IL18BP: variants seen among roughly 807,000 people sequenced by gnomAD.
IL18BP encodes the protein interleukin-18-binding protein.
Under a neutral mutation model 19.9 loss-of-function variants are expected in IL18BP, and 23 were observed. The ratio of observed to expected loss-of-function variants is 1.15; its 90% CI spans 0.83 to 1.64. The LOEUF is 1.64. Among genes scored for constraint, IL18BP ranks in the 40% most tolerant of loss-of-function variants. The pLI, the probability that IL18BP is intolerant of heterozygous loss-of-function variation, is 0.00. For synonymous variants in IL18BP, 107 were observed against 101.0 expected (o/e 1.06, Z -0.35); for missense variants, 239 against 240.7 (o/e 0.99, Z 0.05).
At chr11:72,006,090 G>C (rs1422727879), downstream of IL18BP, 1 of 1,614,044 alleles carries the variant, frequency 6.2e-7, no homozygotes, top group South Asian at 1.1e-5. Context: ...AACTGCGAGT[G>C]GTGGGGCGGT....
chr11:72,004,093 G>T, downstream of IL18BP: 2 of 1,613,100 alleles, frequency 1.2e-6, no homozygotes, highest in Non-Finnish European at 8.5e-7. Context: ...GACTGGCGCC[G>T]GTCAGCCTGC....
chr11:72,006,912 C>T (rs920817273), downstream of IL18BP, among the ~76,000 whole-genome samples: 2 of 152,254 alleles, frequency 1.3e-5, no homozygotes, highest in East Asian at 1.9e-4. Context: ...GCTGCAGCTT[C>T]GCCACGTTCT....
chr11:72,001,810 C>T lies in IL18BP; in HGVS notation c.534C>T (p.Pro178=), dbSNP rs769692426. 6.2e-7 allele frequency: 1 copy of T among 1,614,094 alleles called. No homozygotes were observed. Among genetic ancestry groups the T allele is most frequent in the East Asian group, 2.2e-5 (1 of 44,874 alleles). Reference sequence around the variant, plus strand: ...CTGGGCTGAGGGCAACCTTGCCCCCCACCCAAGAAGCCCTGCCCTCCAGCC... The same window carrying T: ...CTGGGCTGAGGGCAACCTTGCCCCCTACCCAAGAAGCCCTGCCCTCCAGCC... ...LWAGLRATLP[P]TQEALPSSHS... The change falls in exon 6 of 6, where the codon CCC becomes CCT. Residue 178 remains proline, a synonymous_variant. Transcript: ENST00000393703.
chr11:72,004,154 GTGCTGTGCCA>G, downstream of IL18BP: 1 of 1,609,448 alleles, frequency 6.2e-7, no homozygotes, highest in Admixed American at 1.7e-5. Context: ...CCAGGCCAGC[GTGCTGTGCCA>G]CGCTCTATCA....
Position 72,001,409 on chromosome 11 carries a change from G to T in IL18BP, c.364G>T (p.Glu122Ter). 6.2e-7 allele frequency: 1 copy of T among 1,614,116 alleles called. No individual in the cohort carries two copies. The highest frequency in any genetic ancestry group is 2.2e-5 in the East Asian group (1 of 44,884). ...TTTCCTTCCCTTCCGCTCCAGCCGG[G>T]AACGTGGGAGCACAGGTACGCAGCT... The part of the protein sequence containing the change: ...GRLWEGSTSR[E>*]RGSTGTQLCK... Residue 122 changes from glutamate to a stop codon, truncating the protein, a stop_gained, in exon 5 of 6, where the codon GAA becomes TAA. Coordinates refer to ENST00000393703, the MANE Select transcript of IL18BP (RefSeq NM_001039660.2). LOFTEE classifies it high-confidence loss of function.
Position 72,001,518 on chromosome 11 carries a change from T to G in IL18BP, c.473T>G (p.Val158Gly). ...FSCVLVDPEQ[V>G]VQRHVVLAQL... is the part of the protein sequence containing the mutation. ...TGTGTGCTCGTGGACCCTGAACAGG[T>G]TGTCCAGCGTCACGTCGTCCTGGCC... Residue 158 changes from valine (V) to glycine (G), a missense_variant, in exon 5 of 6, where the codon GTT becomes GGT. Val to Gly is a moderately radical substitution (Grantham distance 109). Coordinates refer to ENST00000393703, the MANE Select transcript of IL18BP (RefSeq NM_001039660.2). 1 of 1,613,712 alleles carries G rather than the reference T, an allele frequency of 6.2e-7. No individual in the cohort carries two copies. The highest frequency in any genetic ancestry group is 8.5e-7 in the Non-Finnish European group (1 of 1,179,830).
intron 1 of IL18BP, chr11:71,999,353 G>A: frequency 5.9e-6 from 2 of 336,414 alleles, no homozygotes; most frequent in South Asian, 4.5e-5. Flanking sequence ...TGACACTTGG[G>A]CGGGACAGAA....
downstream of IL18BP, chr11:72,007,177 C>T: frequency 1.2e-6 from 2 of 1,605,486 alleles, no homozygotes; most frequent in Non-Finnish European, 1.7e-6. Flanking sequence ...GCCCCTGTCC[C>T]AGCAGCCTGA....
At chr11:72,004,137 TGCCTTCCCA>T, downstream of IL18BP, 1 of 1,611,500 alleles carries the variant, frequency 6.2e-7, no homozygotes, top group South Asian at 1.1e-5. Context: ...GACCCAATGC[TGCCTTCCCA>T]GGCCAGCGTG....
Position 72,001,804 on chromosome 11 carries a change from G to A in IL18BP, c.528G>A (p.Leu176=), listed in dbSNP as rs372210826. The A allele has an allele frequency of 3.6e-5, 58 of 1,613,872 alleles. No individual in the cohort carries two copies. The African/African-American group carries it at 7.6e-4, about 21-fold the overall frequency. ...AQLWAGLRAT[L]PPTQEALPSS... ...CCTAGGCTGGGCTGAGGGCAACCTT[G>A]CCCCCCACCCAAGAAGCCCTGCCCT... The change falls in exon 6 of 6, where the codon TTG becomes TTA. Residue 176 remains leucine (L), a synonymous_variant. Coordinates refer to ENST00000393703, the MANE Select transcript of IL18BP (RefSeq NM_001039660.2).
chr11:72,003,290 G>A, downstream of IL18BP: 1 of 549,554 alleles, frequency 1.8e-6, no homozygotes, highest in Non-Finnish European at 3.3e-6. Context: ...AAAAAAGGAG[G>A]CAAGGTAGGG....
In IL18BP at chr11:72,001,238, C is replaced by A. The variant is rs1181085657; in HGVS notation, c.273C>A (p.Arg91=). The change falls in exon 4 of 6, where the codon CGC becomes CGA. Residue 91 remains arginine, a synonymous_variant. Transcript: ENST00000393703. ...TLSLSCVACS[R]FPNFSILYWL... ...GCTTATCCTGTGTGGCCTGCAGCCGCTTCCCCAACTTCAGCATCCTCTACT... is the reference window on the plus strand; with the variant it reads ...GCTTATCCTGTGTGGCCTGCAGCCGATTCCCCAACTTCAGCATCCTCTACT... The A allele has an allele frequency of 1.9e-6, 3 of 1,614,198 alleles. No homozygotes were observed. The highest frequency in any genetic ancestry group is 1.1e-5 in the South Asian group (1 of 91,086).
At chr11:72,006,013 T>C, downstream of IL18BP, 4 of 1,570,140 alleles carry the variant, frequency 2.5e-6, no homozygotes, top group Non-Finnish European at 3.5e-6. Context: ...TGGGGTATAG[T>C]AAGTCCCTGT....
chr11:72,003,580 T>C, downstream of IL18BP: 2 of 1,613,594 alleles, frequency 1.2e-6, no homozygotes, highest in South Asian at 1.1e-5. Context: ...GAACTTGCGA[T>C]ACTAGCCTGC....
chr11:72,007,825 T>C (rs1955850620), downstream of IL18BP: 1 of 353,636 alleles, frequency 2.8e-6, no homozygotes, highest in African/African-American at 2.1e-5. Context: ...TCCAATGTCG[T>C]CCTGCTTGGC....
chr11:72,007,108 C>A, downstream of IL18BP: 1 of 1,536,324 alleles, frequency 6.5e-7, no homozygotes, highest in South Asian at 1.2e-5. Context: ...CTCCCTGCTC[C>A]TGACTGAGTG....
At position 71,999,144 on chromosome 11, in the gene IL18BP, G is replaced by T. The variant is rs5743661; in HGVS notation, c.-59+125G>T. On this transcript the variant is annotated intron_variant, in intron 1 of 5. Transcript: ENST00000393703. ...GCCGACCTTGGGGCTGGTGGCTGGG[G>T]GAGTGGGTAGCCTGGGAAAGGCCAG... 5.4e-3 allele frequency: 2,796 copies of T among 517,214 alleles called. 42 individuals carry two copies. The East Asian group carries it at 0.073, about 13-fold the overall frequency. 32.0% of individuals were successfully genotyped at this position (517,214 alleles called of 1,614,324 possible).
chr11:72,004,477 TCCTTC>T, downstream of IL18BP: 1 of 1,200,486 alleles, frequency 8.3e-7, no homozygotes, highest in South Asian at 1.3e-5. Context: ...CTGGGCCAGA[TCCTTC>T]CCTTCCCAAC....
Position 72,002,015 on chromosome 11 carries a change from C to T in IL18BP, c.*154C>T. On this transcript the variant is annotated 3_prime_UTR_variant, in exon 6 of 6. Transcript: ENST00000393703. ...TTTGGGTCCCTTCTCTCACCAAATT[C>T]AAACTCCATTCCCACCTACCTAGAA... 9.1e-7 allele frequency: 1 copy of T among 1,101,892 alleles called. No individual in the cohort carries two copies. Among genetic ancestry groups the T allele is most frequent in the Non-Finnish European group, 1.3e-6 (1 of 770,834 alleles). 68.3% of individuals were successfully genotyped at this position (1,101,892 alleles called of 1,614,324 possible). A position where few individuals can be genotyped will look rare whatever the true frequency, so the allele number is the denominator to read the frequency against.
Sources: gnomAD v4.1 joint callset for allele counts (sites outside exome capture counted in the v4.1 genomes callset) on GRCh38, gnomAD v4.1.1 for gene constraint, MANE v1.5 for transcripts, NCBI Gene and HGNC (gene_info 2026-07-23, HGNC 2026-07-21) for gene names.